The following KIAA1217 variants were observed in gnomAD, a reference collection of about 807,000 sequenced individuals.
KIAA1217 encodes sickle tail protein homolog.
A neutral mutation model predicts 163.9 loss-of-function variants in KIAA1217; 88 were observed. The ratio of observed to expected loss-of-function variants is 0.54; its 90% CI spans 0.45 to 0.64. KIAA1217 has a LOEUF of 0.64. Ranked by LOEUF, KIAA1217 falls within the 30% of genes least tolerant of loss-of-function variation. The probability of loss-of-function intolerance (pLI) is 0.00; values close to 1 mark genes in which losing one functional copy is unlikely to be tolerated. For synonymous variants in KIAA1217, 903 were observed against 923.1 expected, an observed-to-expected ratio of 0.98 and a Z score of 0.39; for missense variants, 2,372 against 2,475.0, an observed-to-expected ratio of 0.96 and a Z score of 0.88.
At chr10:24,337,688 G>A (rs2133749104) in intron 2 of KIAA1217, among the ~76,000 whole-genome samples, 1 of 140,106 alleles carries the variant, frequency 7.1e-6, no homozygotes, top group South Asian at 2.3e-4. Context: ...CTGTCGCCCA[G>A]GCTGGAGTAC....
chr10:24,248,800 G>T (rs1443856446), intron 2 of KIAA1217, among the ~76,000 whole-genome samples: 1 of 151,306 alleles, frequency 6.6e-6, no homozygotes, highest in Non-Finnish European at 1.5e-5. Flanking sequence ...GTATAGCTAT[G>T]ATTCAGTTTC....
At chr10:23,910,301 AAAAAG>A (rs770271682) in intron 1 of KIAA1217, among the ~76,000 whole-genome samples, 5 of 152,132 alleles carry the variant, frequency 3.3e-5, no homozygotes, top group Non-Finnish European at 5.9e-5. Flanking sequence ...AGTATAAAAA[AAAAAG>A]AAAAGAAAAG....
At chr10:23,775,117 G>A (rs1319350338) in intron 1 of KIAA1217, among the ~76,000 whole-genome samples, 3 of 152,086 alleles carry the variant, frequency 2.0e-5, no homozygotes, top group Admixed American at 6.5e-5. Context: ...ACAGCCTCAG[G>A]CAGTGAGTCC....
At chr10:24,311,821 T>A (rs2042738364) in intron 2 of KIAA1217, among the ~76,000 whole-genome samples, 1 of 152,120 alleles carries the variant, frequency 6.6e-6, no homozygotes, top group Admixed American at 6.5e-5. Context: ...GCCGTTAGAA[T>A]AGGAAGGGGC....
chr10:24,269,091 G>A (rs2076525309), intron 2 of KIAA1217, among the ~76,000 whole-genome samples: 1 of 145,470 alleles, frequency 6.9e-6, no homozygotes, highest in African/African-American at 2.6e-5. Flanking sequence ...GATAGCATTG[G>A]GAGATATACC....
At chr10:23,746,319 G>A (rs891955805) in intron 1 of KIAA1217, among the ~76,000 whole-genome samples, 1 of 152,236 alleles carries the variant, frequency 6.6e-6, no homozygotes, top group African/African-American at 2.4e-5. Context: ...AGCTTCCCCA[G>A]AAGCAGATGC....
At chr10:24,280,325 CA>C (rs2077764393) in intron 2 of KIAA1217, among the ~76,000 whole-genome samples, 1 of 152,140 alleles carries the variant, frequency 6.6e-6, no homozygotes, top group Non-Finnish European at 1.5e-5. Flanking sequence ...AAAACTCTAA[CA>C]AACATTTTTG....
rs146187838 is a variant in KIAA1217, at chr10:23,840,627, T to G, written c.-321+145393T>G. Among the ~76,000 whole-genome samples the G allele has an allele frequency of 2.9e-3, 439 of 152,344 alleles. 3 individuals are homozygous for G. The highest frequency in any genetic ancestry group is 0.01 in the African/African-American group (425 of 41,580). On this transcript the variant is annotated intron_variant, in intron 1 of 18. Coordinates refer to the KIAA1217 transcript ENST00000376462. ...GATCCTTTTACATGAGCTTCAAATA[T>G]GTAAGAAAAAAACATGATTGAATTT... is the stretch of plus-strand genomic sequence containing the variant.
chr10:24,226,377 A>G (rs2070534880), intron 2 of KIAA1217, among the ~76,000 whole-genome samples: 1 of 152,164 alleles, frequency 6.6e-6, no homozygotes. Flanking sequence ...CTGCAGTCCC[A>G]ACACTTTGGG....
At chr10:23,759,619 A>G (rs1252753417) in intron 1 of KIAA1217, among the ~76,000 whole-genome samples, 1 of 152,196 alleles carries the variant, frequency 6.6e-6, no homozygotes, top group African/African-American at 2.4e-5. Context: ...TGAATGTCTG[A>G]TTTCAGGGTA....
intron 5 of KIAA1217, among the ~76,000 whole-genome samples, chr10:24,470,514 G>A (rs1242059411): frequency 6.6e-6 from 1 of 152,130 alleles, no homozygotes; most frequent in South Asian, 2.1e-4. Flanking sequence ...TAGCACATGG[G>A]GAGAGAGACC....
chr10:24,094,053 T>G (rs1276507257), intron 2 of KIAA1217, among the ~76,000 whole-genome samples: 4 of 151,584 alleles, frequency 2.6e-5, no homozygotes, highest in Non-Finnish European at 5.9e-5. Flanking sequence ...TCTATCATTG[T>G]TGGACATTTG....
chr10:24,458,587 T>C (rs1037025912), intron 5 of KIAA1217, among the ~76,000 whole-genome samples: 7 of 152,198 alleles, frequency 4.6e-5, no homozygotes, highest in African/African-American at 1.7e-4. Context: ...TAGCACTTCA[T>C]AGATCCTGGC....
chr10:23,962,755 A>G (rs1452626370), intron 1 of KIAA1217, among the ~76,000 whole-genome samples: 1 of 152,204 alleles, frequency 6.6e-6, no homozygotes, highest in Admixed American at 6.5e-5. Context: ...TCCAGATTCT[A>G]CTACTTGAGG....
chr10:24,342,605 G>A (rs2047225193), intron 2 of KIAA1217, among the ~76,000 whole-genome samples: 1 of 150,576 alleles, frequency 6.6e-6, no homozygotes, highest in African/African-American at 2.4e-5. Context: ...TCCACTTAGT[G>A]ATGCATCTTC....
chr10:24,016,458 G>A (rs1480148967), intron 2 of KIAA1217, among the ~76,000 whole-genome samples: 1 of 152,054 alleles, frequency 6.6e-6, no homozygotes, highest in African/African-American at 2.4e-5. Context: ...CCTGCAGCCT[G>A]TACTCAGAAA....
At chr10:23,924,284 G>C (rs1185996445) in intron 1 of KIAA1217, among the ~76,000 whole-genome samples, 2 of 151,906 alleles carry the variant, frequency 1.3e-5, no homozygotes, top group African/African-American at 4.8e-5. Flanking sequence ...AAAGTAATTA[G>C]AGGAAAGTTG....
intron 1 of KIAA1217, among the ~76,000 whole-genome samples, chr10:23,938,432 G>C (rs59989892): frequency 0.13 from 19,646 of 151,708 alleles, 2,548 homozygotes; most frequent in African/African-American, 0.33. Context: ...TATATACACC[G>C]AGACCTCTAT....
At chr10:24,004,715 A>G (rs1228923526) in intron 1 of KIAA1217, among the ~76,000 whole-genome samples, 2 of 152,240 alleles carry the variant, frequency 1.3e-5, no homozygotes, top group African/African-American at 4.8e-5. Flanking sequence ...CTCATATACA[A>G]CTTTCTCAGG....
Sources: gnomAD v4.1 joint callset for allele counts (sites outside exome capture counted in the v4.1 genomes callset) on GRCh38, gnomAD v4.1.1 for gene constraint, MANE v1.5 for transcripts, NCBI Gene and HGNC (gene_info 2026-07-23, HGNC 2026-07-21) for gene names.